Variants in ZNF804A observed in about 807,000 individuals in gnomAD.
The protein encoded by ZNF804A is zinc finger protein 804A.
A neutral mutation model predicts 16.5 loss-of-function variants in ZNF804A; 2 were observed. The observed-to-expected ratio is 0.12, with a 90% CI of 0.05 to 0.38. ZNF804A has a LOEUF of 0.38. Among genes scored for constraint, ZNF804A ranks in the 10% least tolerant of loss-of-function variants. ZNF804A has a pLI of 0.99. For synonymous variants in ZNF804A, 534 were observed against 489.6 expected, an observed-to-expected ratio of 1.09 and a Z score of -1.20; for missense variants, 1,473 against 1,390.7, an observed-to-expected ratio of 1.06 and a Z score of -0.94.
At chr2:184,935,653 A>G (rs1442361843) in intron 3 of ZNF804A, 130 bp from the exon 4 acceptor site, 7 of 1,049,152 alleles carry the variant, frequency 6.7e-6, no homozygotes, top group Non-Finnish European at 9.3e-6. Flanking sequence ...CACCATATGA[A>G]GGCAATTCTG....
intron 1 of ZNF804A, among the ~76,000 whole-genome samples, chr2:184,832,904 T>C (rs944051487): frequency 1.3e-5 from 2 of 151,986 alleles, no homozygotes; most frequent in Non-Finnish European, 2.9e-5. Flanking sequence ...TACTTATCTG[T>C]TCTCCCAGAA....
intron 1 of ZNF804A, among the ~76,000 whole-genome samples, chr2:184,756,030 C>T (rs1248818058): frequency 1.3e-5 from 2 of 151,910 alleles, no homozygotes; most frequent in African/African-American, 2.4e-5. Context: ...CAAAAACAAA[C>T]TGTATGAACA....
intron 2 of ZNF804A, among the ~76,000 whole-genome samples, chr2:184,929,990 CCTT>C (rs564382635): frequency 7.4e-4 from 113 of 152,212 alleles, no homozygotes; most frequent in Non-Finnish European, 6.5e-4. Context: ...TATGTTCACT[CCTT>C]ATTTCTGTAA....
intron 1 of ZNF804A, among the ~76,000 whole-genome samples, chr2:184,722,095 G>T (rs1693326939): frequency 6.6e-6 from 1 of 151,980 alleles, no homozygotes; most frequent in Admixed American, 6.6e-5. Context: ...GTGTGTGGGT[G>T]CGCGTGTGTA....
intron 1 of ZNF804A, among the ~76,000 whole-genome samples, chr2:184,732,441 C>G (rs1212763438): frequency 6.6e-6 from 1 of 152,106 alleles, no homozygotes; most frequent in African/African-American, 2.4e-5. Context: ...TTACTGTAGA[C>G]TAAGAATAAG....
At chr2:184,824,891 G>T (rs140665361) in intron 1 of ZNF804A, among the ~76,000 whole-genome samples, 1 of 152,046 alleles carries the variant, frequency 6.6e-6, no homozygotes, top group Non-Finnish European at 1.5e-5. Context: ...AACGACCAAG[G>T]TTCAAAGGGA....
intron 1 of ZNF804A, among the ~76,000 whole-genome samples, chr2:184,839,659 T>C (rs1695405759): frequency 6.6e-6 from 1 of 152,138 alleles, no homozygotes; most frequent in African/African-American, 2.4e-5. Context: ...TTAAAAAGTG[T>C]TCAGTAGCCT....
chr2:184,800,751 C>T (rs1335937816), intron 1 of ZNF804A, among the ~76,000 whole-genome samples: 1 of 151,846 alleles, frequency 6.6e-6, no homozygotes, highest in Non-Finnish European at 1.5e-5. Flanking sequence ...AAAAAGCATA[C>T]CTAATTTTTC....
chr2:184,685,271 C>G (rs1458678565), intron 1 of ZNF804A, among the ~76,000 whole-genome samples: 5 of 152,034 alleles, frequency 3.3e-5, no homozygotes, highest in African/African-American at 1.2e-4. Context: ...AATGCAGTGG[C>G]ACCCAGAAGC....
At chr2:184,815,933 G>C (rs1469996054) in intron 1 of ZNF804A, among the ~76,000 whole-genome samples, 9 of 151,842 alleles carry the variant, frequency 5.9e-5, no homozygotes. Context: ...TTGTCAATTT[G>C]TCTTGTTTTG....
chr2:184,844,644 TC>T (rs1261090975), intron 1 of ZNF804A, among the ~76,000 whole-genome samples: 2 of 151,954 alleles, frequency 1.3e-5, no homozygotes, highest in East Asian at 3.9e-4. Flanking sequence ...AAGACTTTTC[TC>T]TTGGGTTTTC....
chr2:184,636,342 G>C (rs1322384902), intron 1 of ZNF804A, among the ~76,000 whole-genome samples: 2 of 151,132 alleles, frequency 1.3e-5, no homozygotes, highest in Admixed American at 6.6e-5. Flanking sequence ...GAGAGAAAGA[G>C]AGAGAGAAAT....
intron 1 of ZNF804A, among the ~76,000 whole-genome samples, chr2:184,819,501 C>A (rs916056060): frequency 5.9e-5 from 9 of 151,576 alleles, no homozygotes; most frequent in Non-Finnish European, 1.2e-4. Context: ...AACATCACAA[C>A]AAAAGTAACT....
At chr2:184,805,526 A>G (rs1223482569) in intron 1 of ZNF804A, among the ~76,000 whole-genome samples, 1 of 152,034 alleles carries the variant, frequency 6.6e-6, no homozygotes, top group Non-Finnish European at 1.5e-5. Context: ...TCATTTTCTA[A>G]ATATTTCAGA....
rs765602514 is a variant in ZNF804A, at chr2:184,937,373, G to A, written c.1977G>A (p.Arg659=). Residue 659 remains arginine (R), a synonymous_variant, in exon 4 of 4, where the codon AGG becomes AGA. Transcript: ENST00000302277. ...LLDSHQLLDK[R]PKSESISLSD... is the part of the protein sequence containing the mutation. ...ACTCACATCAGTTACTTGATAAAAG[G>A]CCCAAATCAGAATCCATATCCTTAA... 10 of 1,613,582 alleles carry A rather than the reference G, an allele frequency of 6.2e-6. No individual in the cohort carries two copies. The South Asian group carries it at 8.8e-5, about 14-fold the overall frequency.
At position 184,604,308 on chromosome 2, in the gene ZNF804A, C is replaced by G. The variant is rs934117432; in HGVS notation, c.111+5238C>G. ...GCCTCAGCCTCCCGAGTAGCTGGGACTACAGGTGCCCGCCATCGCGCCCGG... is the reference window on the plus strand; with the variant it reads ...GCCTCAGCCTCCCGAGTAGCTGGGAGTACAGGTGCCCGCCATCGCGCCCGG... On this transcript the variant is annotated intron_variant, in intron 1 of 3. Transcript: ENST00000302277. 2.0e-5 allele frequency among the ~76,000 whole-genome samples: 3 copies of G among 151,196 alleles called. No individual in the cohort carries two copies. The East Asian group carries it at 5.8e-4, about 29-fold the overall frequency.
chr2:184,657,372 C>T (rs1028286349), intron 1 of ZNF804A, among the ~76,000 whole-genome samples: 22 of 152,190 alleles, frequency 1.4e-4, no homozygotes, highest in African/African-American at 5.3e-4. Context: ...TAGACTTGAG[C>T]CACAGCACCT....
chr2:184,711,423 T>A (rs1408450098), intron 1 of ZNF804A, among the ~76,000 whole-genome samples: 1 of 151,838 alleles, frequency 6.6e-6, no homozygotes, highest in African/African-American at 2.4e-5. Context: ...TTCAGATATA[T>A]GTTTTGCAAA....
At chr2:184,800,504 T>G (rs1694706858) in intron 1 of ZNF804A, among the ~76,000 whole-genome samples, 1 of 151,716 alleles carries the variant, frequency 6.6e-6, no homozygotes, top group Admixed American at 6.6e-5. Context: ...TTCAAAATAT[T>G]TTTAAAATAT....
Sources: gnomAD v4.1 joint callset for allele counts (sites outside exome capture counted in the v4.1 genomes callset) on GRCh38, gnomAD v4.1.1 for gene constraint, MANE v1.5 for transcripts, NCBI Gene and HGNC (gene_info 2026-07-23, HGNC 2026-07-21) for gene names.